The following BMPR1B variants were observed in gnomAD, a reference collection of about 807,000 sequenced individuals.
BMPR1B encodes the protein bone morphogenetic protein receptor type 1B, also known as bone morphogenetic protein receptor type-1B.
BMPR1B carries 12 observed loss-of-function variants against 59.1 expected under a neutral mutation model. The ratio of observed to expected loss-of-function variants is 0.20; its 90% confidence interval spans 0.13 to 0.33. The LOEUF is 0.33. BMPR1B is among the 10% of genes least tolerant of loss of function. BMPR1B has a pLI of 1.00. For missense variants in BMPR1B, 550 were observed against 610.9 expected (o/e 0.90, Z 1.05); for synonymous variants, 237 against 207.3 (o/e 1.14, Z -1.23).
intron 11 of BMPR1B, among the ~76,000 whole-genome samples, chr4:95,150,703 GTGCTAGGGTATTAATTTGCTT>G (rs1734978206): frequency 6.6e-6 from 1 of 152,194 alleles, no homozygotes; most frequent in African/African-American, 2.4e-5. Flanking sequence ...ATTAATTGCT[GTGCTAGGGTATTAATTTGCTT>G]TGCTAGGGCT....
At chr4:95,131,756 A>G (rs1018066251) in intron 10 of BMPR1B, among the ~76,000 whole-genome samples, 1 of 152,222 alleles carries the variant, frequency 6.6e-6, no homozygotes, top group Non-Finnish European at 1.5e-5. Flanking sequence ...TCATTAAGTT[A>G]TATAGAAAAG....
intron 1 of BMPR1B, among the ~76,000 whole-genome samples, chr4:94,791,633 A>G (rs1201123222): frequency 1.3e-5 from 2 of 152,208 alleles, no homozygotes; most frequent in Non-Finnish European, 2.9e-5. Context: ...AGTAGAAATA[A>G]AATGGATTTA....
At chr4:94,927,077 C>G (rs1034746022) in intron 2 of BMPR1B, among the ~76,000 whole-genome samples, 1 of 152,128 alleles carries the variant, frequency 6.6e-6, no homozygotes, top group Non-Finnish European at 1.5e-5. Context: ...CTCAGATGAT[C>G]TGGACACAAC....
intron 2 of BMPR1B, among the ~76,000 whole-genome samples, chr4:94,918,849 T>C (rs544893422): frequency 6.6e-6 from 1 of 152,298 alleles, no homozygotes. Context: ...TTGGTACCTG[T>C]CACAGGGAAC....
At chr4:94,952,628 T>C (rs772491718) in intron 2 of BMPR1B, among the ~76,000 whole-genome samples, 3 of 152,164 alleles carry the variant, frequency 2.0e-5, no homozygotes, top group African/African-American at 7.2e-5. Context: ...TGAGAGACTG[T>C]TTGTTATGGT....
At chr4:94,894,000 A>G (rs959144647) in intron 2 of BMPR1B, among the ~76,000 whole-genome samples, 1 of 152,014 alleles carries the variant, frequency 6.6e-6, no homozygotes, top group African/African-American at 2.4e-5. Context: ...GGAAATTGTA[A>G]TGTTGCTCTC....
At chr4:94,923,144 G>C (rs1330840238) in intron 2 of BMPR1B, among the ~76,000 whole-genome samples, 2 of 152,000 alleles carry the variant, frequency 1.3e-5, no homozygotes, top group Non-Finnish European at 2.9e-5. Flanking sequence ...ATCTTTGTCA[G>C]ACATTTTGCT....
intron 2 of BMPR1B, among the ~76,000 whole-genome samples, chr4:94,935,927 T>G (rs1729277769): frequency 6.6e-6 from 1 of 152,196 alleles, no homozygotes; most frequent in African/African-American, 2.4e-5. Context: ...AGTTTAGATT[T>G]TGTGTGCATT....
intron 3 of BMPR1B, among the ~76,000 whole-genome samples, chr4:95,005,050 A>G (rs1722724550): frequency 6.6e-6 from 1 of 152,142 alleles, no homozygotes; most frequent in Non-Finnish European, 1.5e-5. Flanking sequence ...TACAGCTTGC[A>G]AAGCACAATG....
At chr4:94,844,716 G>A (rs1334395505) in intron 1 of BMPR1B, among the ~76,000 whole-genome samples, 1 of 151,874 alleles carries the variant, frequency 6.6e-6, no homozygotes, top group Non-Finnish European at 1.5e-5. Context: ...CATACAATAT[G>A]GGCCATAGGC....
At chr4:95,077,104 A>G (rs1235153753) in intron 3 of BMPR1B, among the ~76,000 whole-genome samples, 1 of 152,180 alleles carries the variant, frequency 6.6e-6, no homozygotes, top group East Asian at 1.9e-4. Context: ...AGGGACAGGT[A>G]TAACGGTAGG....
At chr4:95,073,630 ACTT>A (rs1401675921) in intron 3 of BMPR1B, among the ~76,000 whole-genome samples, 1 of 152,154 alleles carries the variant, frequency 6.6e-6, no homozygotes, top group East Asian at 1.9e-4. Context: ...ACTCTGGATA[ACTT>A]CTTCTTAAGG....
rs553658196 is a variant in BMPR1B at position 95,150,810 on chromosome 4, A to G, written c.1253-1833A>G. Among the ~76,000 whole-genome samples the G allele has an allele frequency of 2.6e-4, 40 of 152,300 alleles. No homozygotes were observed. The South Asian group carries it at 8.3e-3, about 32-fold the overall frequency. ...TGGAGTCCCTGCTCTGTCCCATACCAACTGAATGGACTTGGGCAAGTTACT... is the reference window on the plus strand; with the variant it reads ...TGGAGTCCCTGCTCTGTCCCATACCGACTGAATGGACTTGGGCAAGTTACT... On this transcript the variant is annotated intron_variant, in intron 11 of 12. Transcript: ENST00000515059.
At chr4:94,894,237 G>T (rs1413070767) in intron 2 of BMPR1B, among the ~76,000 whole-genome samples, 2 of 151,928 alleles carry the variant, frequency 1.3e-5, no homozygotes, top group Middle Eastern at 3.2e-3. Flanking sequence ...TACACAAATG[G>T]TACTCATTGT....
chr4:94,935,843 T>C (rs748279958), intron 2 of BMPR1B, among the ~76,000 whole-genome samples: 1 of 152,222 alleles, frequency 6.6e-6, no homozygotes, highest in Admixed American at 6.5e-5. Flanking sequence ...AAATAAAATA[T>C]ATATGGGCAT....
intron 3 of BMPR1B, among the ~76,000 whole-genome samples, chr4:95,059,292 T>C (rs6825862): frequency 0.012 from 1,890 of 152,318 alleles, 33 homozygotes; most frequent in African/African-American, 0.044. Context: ...ATTATACTTA[T>C]CCACACACAT....
At chr4:94,804,590 C>CTTT (rs5860375) in intron 1 of BMPR1B, among the ~76,000 whole-genome samples, 2,836 of 121,504 alleles carry the variant, frequency 0.023, 130 homozygotes, top group African/African-American at 0.045. Context: ...CTTTGTAATA[C>CTTT]TTTTTTTTTT....
rs1206670464 is a variant in BMPR1B at position 95,026,107 on chromosome 4, T to TTTCC, written c.-18+29976_-18+29977insCTTC. 9.8e-3 allele frequency among the ~76,000 whole-genome samples: 1,270 copies of TTTCC among 129,588 alleles called. 13 individuals are homozygous for TTTCC. The highest frequency in any genetic ancestry group is 0.013 in the South Asian group (47 of 3,712). 85.0% of individuals were successfully genotyped at this position (129,588 alleles called of 152,430 possible). A position where few individuals can be genotyped will look rare whatever the true frequency, so the allele number is the denominator to read the frequency against. On this transcript the variant is annotated intron_variant, in intron 3 of 12. Transcript: ENST00000515059. ...TGGATTGCTTTCTTTCATTTCTTTC[T>TTTCC]TTCTTTCTTTCTTTCTTTCTTTCTT...
chr4:94,912,826 G>A (rs560570563), intron 2 of BMPR1B, among the ~76,000 whole-genome samples: 16 of 152,130 alleles, frequency 1.1e-4, no homozygotes, highest in African/African-American at 3.1e-4. Context: ...ACAACTAGCC[G>A]TATCTCTTCC....
Sources: allele counts gnomAD v4.1 joint callset (sites outside exome capture counted in the v4.1 genomes callset), GRCh38; gene constraint gnomAD v4.1.1; transcripts MANE v1.5; gene names NCBI Gene and HGNC (gene_info 2026-07-23, HGNC 2026-07-21).